Variants in ATG14 observed in about 807,000 individuals in gnomAD.
The protein encoded by ATG14 is autophagy related 14, also known as beclin 1-associated autophagy-related key regulator.
In ATG14, 35 loss-of-function variants were observed where a neutral mutation model predicts 60.4. The observed-to-expected ratio is 0.58, with a 90% confidence interval of 0.44 to 0.77. The LOEUF is 0.77. Ranked by LOEUF, ATG14 falls within the 30% of genes least tolerant of loss-of-function variation. The probability of loss-of-function intolerance (pLI) is 0.00; values close to 1 mark genes in which losing one functional copy is unlikely to be tolerated. For missense variants in ATG14, 647 were observed against 626.3 expected (o/e 1.03, Z -0.35); for synonymous variants, 234 against 228.8 (o/e 1.02, Z -0.21).
intron 1 of ATG14, among the ~76,000 whole-genome samples, chr14:55,405,602 G>C (rs1224413933): frequency 1.3e-5 from 2 of 152,144 alleles, no homozygotes; most frequent in Non-Finnish European, 2.9e-5. Context: ...ACATGAACTG[G>C]TAACCAATTT....
At chr14:55,393,588 C>G (rs1217100874) in intron 3 of ATG14, among the ~76,000 whole-genome samples, 1 of 151,010 alleles carries the variant, frequency 6.6e-6, no homozygotes, top group Non-Finnish European at 1.5e-5. Context: ...CTCTGTTGCC[C>G]AGGTTAGAGT....
At chr14:55,370,858 C>T (rs1430885100) in intron 9 of ATG14, among the ~76,000 whole-genome samples, 1 of 152,146 alleles carries the variant, frequency 6.6e-6, no homozygotes, top group East Asian at 1.9e-4. Flanking sequence ...CCAGGCTGGT[C>T]TTGAACTCCT....
chr14:55,399,816 T>A (rs1157042066), intron 1 of ATG14, among the ~76,000 whole-genome samples: 2 of 152,242 alleles, frequency 1.3e-5, no homozygotes, highest in Non-Finnish European at 1.5e-5. Context: ...CTTTGAGGTC[T>A]GTTGTAAAAA....
chr14:55,408,438 G>T (rs186838623), intron 1 of ATG14, among the ~76,000 whole-genome samples: 1 of 152,128 alleles, frequency 6.6e-6, no homozygotes, highest in Admixed American at 6.5e-5. Context: ...GGGTTACAGG[G>T]TGAGACCCTG....
chr14:55,376,507 G>T (rs564275621), intron 9 of ATG14, among the ~76,000 whole-genome samples: 1 of 152,162 alleles, frequency 6.6e-6, no homozygotes, highest in Non-Finnish European at 1.5e-5. Context: ...GTTTCCTGGC[G>T]AGTTCACAGC....
chr14:55,396,004 A>G, intron 2 of ATG14, 22 bp from the exon 3 acceptor site: 1 of 1,552,976 alleles, frequency 6.4e-7, no homozygotes, highest in Non-Finnish European at 8.7e-7. Flanking sequence ...AGAGACAGAA[A>G]ATAAGCTCTT....
At chr14:55,401,344 G>A (rs1322834198) in intron 1 of ATG14, among the ~76,000 whole-genome samples, 1 of 150,666 alleles carries the variant, frequency 6.6e-6, no homozygotes, top group Non-Finnish European at 1.5e-5. Context: ...CTATTTTCAT[G>A]TTACTTATGT....
At chr14:55,406,240 ATTTACC>A (rs1446648296) in intron 1 of ATG14, among the ~76,000 whole-genome samples, 4 of 152,162 alleles carry the variant, frequency 2.6e-5, no homozygotes, top group African/African-American at 7.2e-5. Flanking sequence ...AAAAAAATAC[ATTTACC>A]TTTACAAGAA....
chr14:55,405,312 C>T (rs920313507), intron 1 of ATG14, among the ~76,000 whole-genome samples: 6 of 152,150 alleles, frequency 3.9e-5, no homozygotes, highest in Admixed American at 3.9e-4. Context: ...TTGAAATCTG[C>T]AATAATATTT....
At chr14:55,389,988 G>T (rs1274987494) in intron 4 of ATG14, among the ~76,000 whole-genome samples, 1 of 152,050 alleles carries the variant, frequency 6.6e-6, no homozygotes, top group Non-Finnish European at 1.5e-5. Context: ...TGTGCTTCTG[G>T]CATGGGCCAA....
rs1019390150 is a variant in ATG14 at position 55,370,645 on chromosome 14, C to CT, written c.1173-721dup. Among the ~76,000 whole-genome samples the CT allele has an allele frequency of 3.9e-3, 574 of 146,608 alleles. 3 individuals are homozygous for CT. Among genetic ancestry groups the CT allele is most frequent in the African/African-American group, 8.0e-3 (321 of 40,148 alleles). ...AAACCTCAGAAGCCTTTCTGCATTT[C>CT]TTTTTTTTTTTATTTAGACAGAGTC... On this transcript the variant is annotated intron_variant, in intron 9 of 9. Transcript: ENST00000247178.
chr14:55,400,909 T>TAAATAAAATAAAATA (rs201067140), intron 1 of ATG14, among the ~76,000 whole-genome samples: 65 of 143,358 alleles, frequency 4.5e-4, no homozygotes, highest in African/African-American at 1.5e-3. Flanking sequence ...CTCAAATAAA[T>TAAATAAAATAAAATA]AAATAAAATA....
intron 6 of ATG14, among the ~76,000 whole-genome samples, 191 bp from the exon 7 acceptor site, chr14:55,380,881 T>C (rs1044482890): frequency 7.8e-5 from 8 of 103,224 alleles, no homozygotes; most frequent in Non-Finnish European, 1.4e-4. Flanking sequence ...ATATATTTTT[T>C]TTTTTTTTTT....
chr14:55,388,316 G>A (rs1885158956), intron 4 of ATG14, among the ~76,000 whole-genome samples: 1 of 152,108 alleles, frequency 6.6e-6, no homozygotes, highest in Non-Finnish European at 1.5e-5. Context: ...GATTTCTGGG[G>A]GAAGATCCAT....
chr14:55,377,925 G>T, intron 8 of ATG14, 21 bp from the exon 9 acceptor site: 1 of 1,593,182 alleles, frequency 6.3e-7, no homozygotes, highest in Non-Finnish European at 8.5e-7. Flanking sequence ...TTAAAGAATT[G>T]GTTAATATTT....
chr14:55,381,588 T>C (rs1435323827), intron 6 of ATG14, among the ~76,000 whole-genome samples: 2 of 152,250 alleles, frequency 1.3e-5, no homozygotes, highest in African/African-American at 2.4e-5. Flanking sequence ...GAAACACTAA[T>C]ATATACTATC....
At position 55,411,743 on chromosome 14, in the gene ATG14, A is replaced by T. The variant is rs1054502241; in HGVS notation, c.80T>A (p.Val27Glu). 2 of 1,610,408 alleles carry T rather than the reference A, an allele frequency of 1.2e-6. No homozygotes were observed. The highest frequency in any genetic ancestry group is 3.3e-5 in the Admixed American group (2 of 59,746). Residue 27 changes from valine (V) to glutamate (E), a missense_variant, in exon 1 of 10, where the codon GTG becomes GAG. Val to Glu is a moderately radical substitution (Grantham distance 121). Transcript: ENST00000247178. ...CCCCTCCGCATCGTCCACGGAGTCC[A>T]CCAGGTCCCGGGCGAGCGGCCGGGG... ...CGPRPLARDL[V>E]DSVDDAEGLY... is the part of the protein sequence containing the mutation.
At chr14:55,406,749 G>C (rs1246052409) in intron 1 of ATG14, among the ~76,000 whole-genome samples, 1 of 152,146 alleles carries the variant, frequency 6.6e-6, no homozygotes, top group Non-Finnish European at 1.5e-5. Context: ...ACATAGTCTG[G>C]AAAAGAGAAA....
Position 55,367,417 on chromosome 14 carries a change from G to C in ATG14, c.*2202C>G, listed in dbSNP as rs1884704352. 6.6e-6 allele frequency: 1 copy of C among 152,254 alleles called. No individual in the cohort carries two copies. Among genetic ancestry groups the C allele is most frequent in the Admixed American group, 6.5e-5 (1 of 15,278 alleles). 9.4% of individuals were successfully genotyped at this position (152,254 alleles called of 1,614,324 possible). A position where few individuals can be genotyped will look rare whatever the true frequency, so the allele number is the denominator to read the frequency against. Reference sequence around the variant, plus strand: ...GCCCAGCAATCAATCATGAAGCTGAGCACTTAAAACAGAGATCCCAGCAGT... The same window carrying C: ...GCCCAGCAATCAATCATGAAGCTGACCACTTAAAACAGAGATCCCAGCAGT... On this transcript the variant is annotated 3_prime_UTR_variant, in exon 10 of 10. Coordinates refer to ENST00000247178, the MANE Select transcript of ATG14 (RefSeq NM_014924.5).
Sources: allele counts gnomAD v4.1 joint callset (sites outside exome capture counted in the v4.1 genomes callset), GRCh38; gene constraint gnomAD v4.1.1; transcripts MANE v1.5; gene names NCBI Gene and HGNC (gene_info 2026-07-23, HGNC 2026-07-21).